NUP210L: variants seen among roughly 807,000 people sequenced by gnomAD.
The protein encoded by NUP210L is nuclear pore membrane glycoprotein 210-like.
Under a neutral mutation model 208.5 loss-of-function variants are expected in NUP210L, and 74 were observed. That is an observed-to-expected ratio of 0.35 (90% CI 0.29 to 0.43). NUP210L has a LOEUF of 0.43. Ranked by LOEUF, NUP210L falls within the 20% of genes least tolerant of loss-of-function variation. The probability of loss-of-function intolerance (pLI) is 1.00; values close to 1 mark genes in which losing one functional copy is unlikely to be tolerated. For synonymous variants in NUP210L, 780 were observed against 816.9 expected, an observed-to-expected ratio of 0.95 and a Z score of 0.77; for missense variants, 1,843 against 2,289.4, an observed-to-expected ratio of 0.81 and a Z score of 3.98.
At chr1:154,126,392 G>A (rs1353565765) in exon 10 of NUP210L, 2 of 1,612,630 alleles carry the variant, frequency 1.2e-6, no homozygotes, top group Non-Finnish European at 1.7e-6. Context: ...TTACTATATG[G>A]TAAGATCCAT....
chr1:153,993,174 A>G, intron 38 of NUP210L, 85 bp from the exon 39 acceptor site: 1 of 839,264 alleles, frequency 1.2e-6, no homozygotes, highest in Non-Finnish European at 1.9e-6. Flanking sequence ...GAATATTGCT[A>G]AAAATAATTC....
At chr1:154,010,092 T>C in exon 35 of NUP210L, 2 of 1,613,986 alleles carry the variant, frequency 1.2e-6, no homozygotes, top group Non-Finnish European at 1.7e-6. Context: ...ACTTTTGTAA[T>C]GGCCAAGGCC....
At chr1:154,082,103 C>T (rs774778685) in intron 16 of NUP210L, among the ~76,000 whole-genome samples, 21 of 152,174 alleles carry the variant, frequency 1.4e-4, no homozygotes, top group Admixed American at 2.6e-4. Context: ...ATGGACGCTG[C>T]GTGTCTGGGA....
intron 27 of NUP210L, among the ~76,000 whole-genome samples, chr1:154,045,008 T>G (rs1452354906): frequency 1.3e-5 from 2 of 152,264 alleles, no homozygotes; most frequent in African/African-American, 4.8e-5. Context: ...TATCCTGAGG[T>G]CTTCTATGGT....
intron 10 of NUP210L, among the ~76,000 whole-genome samples, chr1:154,122,013 A>C (rs1011754604): frequency 2.6e-5 from 4 of 152,356 alleles, no homozygotes; most frequent in African/African-American, 9.6e-5. Context: ...TGCTCTTTGA[A>C]AAACTCAATA....
At chr1:153,998,698 T>C (rs1272859198) in intron 37 of NUP210L, among the ~76,000 whole-genome samples, 1 of 149,358 alleles carries the variant, frequency 6.7e-6, no homozygotes, top group Non-Finnish European at 1.5e-5. Context: ...TGTGATAGTA[T>C]CTAGAGATCC....
intron 15 of NUP210L, among the ~76,000 whole-genome samples, chr1:154,091,894 A>G (rs1655937611): frequency 6.6e-6 from 1 of 151,910 alleles, no homozygotes; most frequent in African/African-American, 2.4e-5. Context: ...AAATTCTGAC[A>G]TATACTACAG....
At chr1:154,077,652 T>C (rs1655110969) in intron 16 of NUP210L, among the ~76,000 whole-genome samples, 1 of 152,134 alleles carries the variant, frequency 6.6e-6, no homozygotes, top group Admixed American at 6.6e-5. Flanking sequence ...ATAAATGTAT[T>C]TTCGGTTGTA....
At chr1:154,143,201 C>CAAA (rs34172314) in intron 3 of NUP210L, among the ~76,000 whole-genome samples, 90 of 123,486 alleles carry the variant, frequency 7.3e-4, no homozygotes, top group African/African-American at 2.5e-3. Context: ...TCCCCCTGCC[C>CAAA]AAAAAAAAAA....
At chr1:154,140,877 C>T (rs781415457) in intron 4 of NUP210L, among the ~76,000 whole-genome samples, 6 of 150,902 alleles carry the variant, frequency 4.0e-5, no homozygotes, top group Non-Finnish European at 5.9e-5. Flanking sequence ...TCCTGTAGTC[C>T]TAGCTACTTA....
intron 10 of NUP210L, among the ~76,000 whole-genome samples, chr1:154,121,621 C>T (rs1657618512): frequency 6.6e-6 from 1 of 152,168 alleles, no homozygotes; most frequent in Non-Finnish European, 1.5e-5. Context: ...AATCCTAGCA[C>T]TTTGGGAGGC....
At position 154,001,121 on chromosome 1, in the gene NUP210L, T is replaced by C. The variant is rs1650186091; in HGVS notation, c.5182-61A>G. 5 of 1,356,610 alleles carry C rather than the reference T, an allele frequency of 3.7e-6. No individual in the cohort carries two copies. The Admixed American group carries it at 7.3e-5, about 20-fold the overall frequency. The allele number at this position is 1,356,610 out of a possible 1,614,324, so 84.0% of individuals were successfully genotyped here. On this transcript the variant is annotated intron_variant, in intron 36 of 39. Coordinates refer to ENST00000368559, the Ensembl canonical transcript of NUP210L. ...GAAAAATCAACTTTGTATCAGTATGTTCCAATCTGAAACATATACAGTACA... is the reference window on the plus strand; with the variant it reads ...GAAAAATCAACTTTGTATCAGTATGCTCCAATCTGAAACATATACAGTACA...
chr1:154,035,503 T>C (rs1009010046), intron 27 of NUP210L, among the ~76,000 whole-genome samples: 1 of 151,686 alleles, frequency 6.6e-6, no homozygotes, highest in African/African-American at 2.4e-5. Context: ...GTTCAAGCGA[T>C]TCTCCTGCCT....
chr1:154,067,008 G>A (rs1480952211), intron 17 of NUP210L, among the ~76,000 whole-genome samples: 1 of 152,102 alleles, frequency 6.6e-6, no homozygotes, highest in Non-Finnish European at 1.5e-5. Context: ...AATTCTACCA[G>A]AGGTACAAGA....
At chr1:154,136,495 C>CAGAG (rs910709154) in intron 6 of NUP210L, among the ~76,000 whole-genome samples, 5 of 150,314 alleles carry the variant, frequency 3.3e-5, no homozygotes, top group African/African-American at 1.2e-4. Flanking sequence ...TATATATATA[C>CAGAG]AGAGAGAGAG....
chr1:154,027,101 AAAAAAAAAAC>A lies in NUP210L; in HGVS notation c.3947+395_3947+404del, dbSNP rs1651935163. Among the ~76,000 whole-genome samples, 5 of 150,400 alleles carry A rather than the reference AAAAAAAAAAC, an allele frequency of 3.3e-5. 1 individual carries two copies. Among genetic ancestry groups the A allele is most frequent in the Admixed American group, 1.3e-4 (2 of 15,068 alleles). On this transcript the variant is annotated intron_variant, in intron 29 of 39. Coordinates refer to ENST00000368559, the Ensembl canonical transcript of NUP210L. ...GTCTCAAAAAAAAAAAAAAAACAAA[AAAAAAAAAAC>A]AAAAAACACAAAACGTTGCATACTG...
At chr1:154,028,951 C>T (rs1171467651) in intron 28 of NUP210L, among the ~76,000 whole-genome samples, 1 of 151,584 alleles carries the variant, frequency 6.6e-6, no homozygotes, top group African/African-American at 2.4e-5. Flanking sequence ...AAAAATTAGC[C>T]GGGCATGGTG....
chr1:154,091,967 T>G (rs12021641), intron 15 of NUP210L, among the ~76,000 whole-genome samples: 39,529 of 151,894 alleles, frequency 0.26, 5,589 homozygotes, highest in Admixed American at 0.37. Context: ...AGAAAAATAC[T>G]ACATGATTCC....
chr1:154,111,767 G>A lies in NUP210L; in HGVS notation c.1620+5958C>T, dbSNP rs558940041. Among the ~76,000 whole-genome samples, 10 of 151,586 alleles carry A rather than the reference G, an allele frequency of 6.6e-5. No individual in the cohort carries two copies. The South Asian group carries it at 8.3e-4, about 13-fold the overall frequency. ...TTTTGAAAAATAGAGAAGAGAATAC[G>A]TCCAAACTTATTCTATGTGGCCAGT... On this transcript the variant is annotated intron_variant, in intron 12 of 39. Transcript: ENST00000368559.
Sources: gnomAD v4.1 joint callset for allele counts (sites outside exome capture counted in the v4.1 genomes callset) on GRCh38, gnomAD v4.1.1 for gene constraint, MANE v1.5 for transcripts, NCBI Gene and HGNC (gene_info 2026-07-23, HGNC 2026-07-21) for gene names.